Variants in PLOD2 observed in about 807,000 individuals in gnomAD.
The protein encoded by PLOD2 is procollagen-lysine,2-oxoglutarate 5-dioxygenase 2.
Under a neutral mutation model 101.0 loss-of-function variants are expected in PLOD2, and 65 were observed. The ratio of observed to expected loss-of-function variants is 0.64; its 90% CI spans 0.53 to 0.79. The LOEUF is 0.79. Among genes scored for constraint, PLOD2 ranks in the 30% least tolerant of loss-of-function variants. PLOD2 has a pLI of 0.00. For synonymous variants in PLOD2, 314 were observed against 302.9 expected (o/e 1.04, Z -0.38); for missense variants, 909 against 914.6 (o/e 0.99, Z 0.08).
At chr3:146,147,918 A>C (rs2031862259) in intron 1 of PLOD2, among the ~76,000 whole-genome samples, 1 of 152,202 alleles carries the variant, frequency 6.6e-6, no homozygotes, top group Non-Finnish European at 1.5e-5. Context: ...CCATACGGGA[A>C]GGAAAACCCA....
chr3:146,106,667 T>C (rs773759703), intron 4 of PLOD2, 23 bp from the exon 5 acceptor site: 2 of 1,190,972 alleles, frequency 1.7e-6, no homozygotes, highest in Admixed American at 1.7e-5. Flanking sequence ...AGAGAGAAAG[T>C]AGATAATTTA....
chr3:146,083,436 CCACA>C (rs1426173638), intron 11 of PLOD2, among the ~76,000 whole-genome samples: 2 of 152,118 alleles, frequency 1.3e-5, no homozygotes, highest in Non-Finnish European at 2.9e-5. Context: ...ACTATAGAAA[CCACA>C]TGTCTAGATA....
chr3:146,103,928 T>C (rs2108056701), intron 6 of PLOD2, among the ~76,000 whole-genome samples: 1 of 152,132 alleles, frequency 6.6e-6, no homozygotes, highest in South Asian at 2.1e-4. Context: ...CAAAAGGATC[T>C]ACTCTAATAC....
chr3:146,152,281 G>A lies in PLOD2; in HGVS notation c.109+8600C>T, dbSNP rs1237379125. On this transcript the variant is annotated intron_variant, in intron 1 of 19. Coordinates refer to ENST00000282903, the MANE Select transcript of PLOD2 (RefSeq NM_182943.3). ...CTAAATATACAAAAATTACCTGGCC[G>A]TGGTGGCACGCACCTGTAATGCCAG... is the stretch of plus-strand genomic sequence containing the variant. Among the ~76,000 whole-genome samples, 7 of 152,042 alleles carry A rather than the reference G, an allele frequency of 4.6e-5. No individual in the cohort carries two copies. In the South Asian group the frequency reaches 1.0e-3, roughly 23 times the overall value.
At chr3:146,133,259 T>C (rs1204904726) in intron 1 of PLOD2, among the ~76,000 whole-genome samples, 4 of 152,196 alleles carry the variant, frequency 2.6e-5, no homozygotes, top group Admixed American at 6.5e-5. Context: ...TCTATAACCA[T>C]GTTATAGCAA....
At chr3:146,147,096 T>G (rs2031817876) in intron 1 of PLOD2, among the ~76,000 whole-genome samples, 1 of 152,158 alleles carries the variant, frequency 6.6e-6, no homozygotes, top group African/African-American at 2.4e-5. Flanking sequence ...GAATGTAAAG[T>G]TAGTTCATAT....
In PLOD2 at chr3:146,077,892, C is replaced by T. The variant is rs760182639; in HGVS notation, c.1533G>A (p.Pro511=). Residue 511 remains proline (P), a synonymous_variant, in exon 14 of 20, where the codon CCG becomes CCA. Transcript: ENST00000282903. ...GGGGGCTGAGCATTTGGAATGTTTC[C>T]GGAGTAGGGGAGTCTTTTTCCCTTT... is the stretch of plus-strand genomic sequence containing the variant. ...TLQREKDSPT[P]ETFQMLSPPK... 75 of 1,600,216 alleles carry T rather than the reference C, an allele frequency of 4.7e-5. No homozygotes were observed. The highest frequency in any genetic ancestry group is 6.7e-5 in the South Asian group (6 of 90,120).
intron 15 of PLOD2, chr3:146,073,594 A>C (rs1487682604): frequency 9.0e-6 from 2 of 223,186 alleles, no homozygotes; most frequent in Non-Finnish European, 1.8e-5. Flanking sequence ...TTTAAAACTT[A>C]AGTAATCTTA....
intron 1 of PLOD2, among the ~76,000 whole-genome samples, chr3:146,137,823 C>A (rs965413739): frequency 6.6e-6 from 1 of 151,828 alleles, no homozygotes; most frequent in Admixed American, 6.6e-5. Flanking sequence ...CCTAGGTATG[C>A]CAAATAATAA....
chr3:146,073,019 AAC>A (rs1433445593), intron 16 of PLOD2, among the ~76,000 whole-genome samples: 2 of 151,654 alleles, frequency 1.3e-5, no homozygotes, highest in African/African-American at 4.8e-5. Context: ...GAGATCTGTC[AAC>A]AGTTTCTATT....
intron 1 of PLOD2, among the ~76,000 whole-genome samples, chr3:146,153,969 A>G (rs1008229053): frequency 1.3e-5 from 2 of 152,192 alleles, no homozygotes; most frequent in Non-Finnish European, 2.9e-5. Flanking sequence ...AAAATTTGAG[A>G]ATATAACCCC....
intron 15 of PLOD2, 125 bp from the exon 16 acceptor site, chr3:146,073,477 T>A: frequency 9.5e-6 from 4 of 422,350 alleles, no homozygotes. Context: ...AAAATAGTAA[T>A]TTTCAGAAAT....
chr3:146,088,667 G>T lies in PLOD2; in HGVS notation c.924C>A (p.Thr308=). The T allele has an allele frequency of 6.2e-7, 1 of 1,606,840 alleles. No individual in the cohort carries two copies. The highest frequency in any genetic ancestry group is 1.1e-5 in the South Asian group (1 of 90,852). ...TGTCCAGAAACCGAGGTAGAAAAGG[G>T]GTTGGTTGCTCAATAAAAACACCTA... ...VSIGVFIEQP[T]PFLPRFLDIL... is the part of the protein sequence containing the mutation. Residue 308 remains threonine (T), a synonymous_variant, in exon 9 of 20, where the codon ACC becomes ACA. Coordinates refer to ENST00000282903, the MANE Select transcript of PLOD2 (RefSeq NM_182943.3).
chr3:146,086,967 T>C, intron 9 of PLOD2, 59 bp from the exon 10 acceptor site: 1 of 1,044,310 alleles, frequency 9.6e-7, no homozygotes, highest in Non-Finnish European at 1.4e-6. Context: ...GACTGAAGTA[T>C]TCATATTAGA....
chr3:146,121,291 T>C (rs1559860270), intron 2 of PLOD2, 43 bp from the exon 3 acceptor site: 3 of 1,574,832 alleles, frequency 1.9e-6, no homozygotes, highest in East Asian at 2.2e-5. Flanking sequence ...AAAACTCAAA[T>C]TATGAAAGTA....
intron 7 of PLOD2, among the ~76,000 whole-genome samples, chr3:146,093,151 G>C (rs1414325733): frequency 6.6e-6 from 1 of 152,190 alleles, no homozygotes; most frequent in Non-Finnish European, 1.5e-5. Flanking sequence ...CATTTTGCCA[G>C]ATTCCTCTCA....
intron 4 of PLOD2, among the ~76,000 whole-genome samples, chr3:146,107,807 C>T (rs12485544): frequency 1.3e-5 from 2 of 151,830 alleles, no homozygotes; most frequent in African/African-American, 4.8e-5. Flanking sequence ...CCATGCCCGA[C>T]TAATTTTTGT....
At chr3:146,124,071 G>A in intron 2 of PLOD2, 67 bp downstream of exon 2, 1 of 825,428 alleles carries the variant, frequency 1.2e-6, no homozygotes, top group Non-Finnish European at 2.1e-6. Context: ...AGATTGTACT[G>A]CTGTTATGAA....
chr3:146,090,751 A>T (rs145948874), intron 8 of PLOD2, among the ~76,000 whole-genome samples: 1,880 of 151,972 alleles, frequency 0.012, 18 homozygotes, highest in Middle Eastern at 0.027. Context: ...GAAACTATTT[A>T]ATTCAGGAGC....
Sources: allele counts gnomAD v4.1 joint callset (sites outside exome capture counted in the v4.1 genomes callset), GRCh38; gene constraint gnomAD v4.1.1; transcripts MANE v1.5; gene names NCBI Gene and HGNC (gene_info 2026-07-23, HGNC 2026-07-21).